Variants in USH2A observed in about 807,000 individuals in gnomAD.
The protein encoded by USH2A is Usher syndrome 2A (autosomal recessive, mild).
In USH2A, 443 loss-of-function variants were observed where a neutral mutation model predicts 538.9. The observed-to-expected ratio is 0.82, with a 90% CI of 0.76 to 0.89. The LOEUF is 0.89. Among genes scored for constraint, USH2A ranks in the 40% least tolerant of loss-of-function variants. USH2A has a pLI of 0.00. For synonymous variants in USH2A, 2,413 were observed against 2,273.5 expected, an observed-to-expected ratio of 1.06 and a Z score of -1.75; for missense variants, 6,633 against 6,324.8, an observed-to-expected ratio of 1.05 and a Z score of -1.65.
At position 215,680,052 on chromosome 1, in the gene USH2A, G is replaced by A. The variant is rs898375573; in HGVS notation, c.12294+97C>T. On this transcript the variant is annotated intron_variant, in intron 62 of 71. Coordinates refer to ENST00000307340, the MANE Select transcript of USH2A (RefSeq NM_206933.4). ...TATCAAGGAGAATTAAACAGGCTGT[G>A]AAGGGAGTTTTCCCACAGTGACCTG... 7.4e-6 allele frequency: 9 copies of A among 1,223,978 alleles called. No individual in the cohort carries two copies. The East Asian group carries it at 1.9e-4, about 25-fold the overall frequency. 75.8% of individuals were successfully genotyped at this position (1,223,978 alleles called of 1,614,324 possible). A position where few individuals can be genotyped will look rare whatever the true frequency, so the allele number is the denominator to read the frequency against.
Position 215,685,358 on chromosome 1 carries a change from T to TG in USH2A, c.12067-4983_12067-4982insC, listed in dbSNP as rs1558053518. 5.5e-3 allele frequency among the ~76,000 whole-genome samples: 831 copies of TG among 151,644 alleles called. 12 individuals are homozygous for TG. Among genetic ancestry groups the TG allele is most frequent in the African/African-American group, 0.019 (772 of 41,402 alleles). On this transcript the variant is annotated intron_variant, in intron 61 of 71. Transcript: ENST00000307340. ...TTTTTTTTTTTTGTTGTTGTTGTTT[T>TG]TTTTTTTGAGATGGAGTTTCACTCT...
intron 48 of USH2A, among the ~76,000 whole-genome samples, chr1:215,814,707 G>A (rs1305667452): frequency 1.3e-5 from 2 of 152,046 alleles, no homozygotes; most frequent in Non-Finnish European, 2.9e-5. Context: ...TCCCAGTCAT[G>A]CTTCCTGTTA....
chr1:215,886,290 A>G (rs536704653), intron 41 of USH2A, among the ~76,000 whole-genome samples: 15 of 152,340 alleles, frequency 9.8e-5, no homozygotes, highest in East Asian at 3.9e-4. Flanking sequence ...CATATTTTAC[A>G]AAGAGAAGTC....
intron 32 of USH2A, 58 bp from the exon 33 acceptor site, chr1:216,000,620 T>C: frequency 6.3e-7 from 1 of 1,579,612 alleles, no homozygotes. Context: ...TTGAGGAGAT[T>C]TCACTCCTCC....
At chr1:215,896,434 T>A (rs1665342668) in intron 40 of USH2A, among the ~76,000 whole-genome samples, 1 of 152,190 alleles carries the variant, frequency 6.6e-6, no homozygotes, top group Non-Finnish European at 1.5e-5. Flanking sequence ...CATATTTCAA[T>A]CTTATTTCCT....
chr1:216,124,483 G>A (rs527492653), intron 21 of USH2A, among the ~76,000 whole-genome samples: 4 of 152,102 alleles, frequency 2.6e-5, no homozygotes, highest in Admixed American at 6.5e-5. Context: ...ATAACAAAAA[G>A]AAAAAGGCGG....
rs144892471 is a variant in USH2A, at chr1:215,998,980, T to C, written c.6564A>G (p.Thr2188=). Reference sequence around the variant, plus strand: ...TACTGTTATAGATGACACTCCAAATTGTAAAATCATGTGTATGGTTTGACA... The same window carrying C: ...TACTGTTATAGATGACACTCCAAATCGTAAAATCATGTGTATGGTTTGACA... ...LYMSNHTHDF[T]IWSVIYNSTE... Residue 2188 remains threonine (T), a synonymous_variant, in exon 34 of 72, where the codon ACA becomes ACG. Coordinates refer to ENST00000307340, the MANE Select transcript of USH2A (RefSeq NM_206933.4). 4 of 1,612,868 alleles carry C rather than the reference T, an allele frequency of 2.5e-6. No individual in the cohort carries two copies. The highest frequency in any genetic ancestry group is 2.5e-6 in the Non-Finnish European group (3 of 1,179,228).
chr1:216,070,343 T>G, intron 29 of USH2A, 51 bp from the exon 30 acceptor site: 1 of 1,537,384 alleles, frequency 6.5e-7, no homozygotes, highest in South Asian at 1.1e-5. Flanking sequence ...CTGAGAAGAC[T>G]ATTGCTCCTA....
At chr1:216,118,345 T>G (rs2033056510) in intron 21 of USH2A, among the ~76,000 whole-genome samples, 2 of 152,064 alleles carry the variant, frequency 1.3e-5, no homozygotes, top group South Asian at 4.1e-4. Flanking sequence ...AACATAAAGC[T>G]TCTAACTAGA....
At chr1:215,990,400 T>C (rs1667974116) in intron 35 of USH2A, among the ~76,000 whole-genome samples, 1 of 152,196 alleles carries the variant, frequency 6.6e-6, no homozygotes, top group African/African-American at 2.4e-5. Flanking sequence ...ATGCCACTGA[T>C]CAAAGGTAAT....
In USH2A at chr1:215,998,980, T is replaced by G; in HGVS notation, c.6564A>C (p.Thr2188=). ...TACTGTTATAGATGACACTCCAAATTGTAAAATCATGTGTATGGTTTGACA... is the reference window on the plus strand; with the variant it reads ...TACTGTTATAGATGACACTCCAAATGGTAAAATCATGTGTATGGTTTGACA... ...LYMSNHTHDF[T]IWSVIYNSTE... The change falls in exon 34 of 72, where the codon ACA becomes ACC. Residue 2188 remains threonine (T), a synonymous_variant. Transcript: ENST00000307340. 6 of 1,612,986 alleles carry G rather than the reference T, an allele frequency of 3.7e-6. No individual in the cohort carries two copies. Among genetic ancestry groups the G allele is most frequent in the Non-Finnish European group, 5.1e-6 (6 of 1,179,220 alleles).
chr1:215,759,367 G>A (rs867769369), intron 57 of USH2A, among the ~76,000 whole-genome samples: 3 of 152,076 alleles, frequency 2.0e-5, no homozygotes, highest in South Asian at 2.1e-4. Context: ...TCAAGGATGC[G>A]TGTTTTTGAA....
intron 9 of USH2A, among the ~76,000 whole-genome samples, chr1:216,296,647 G>A (rs2037111086): frequency 6.6e-6 from 1 of 151,980 alleles, no homozygotes; most frequent in African/African-American, 2.4e-5. Context: ...GACATTTATG[G>A]AAAGTCTTCA....
chr1:216,006,933 C>T (rs1668406523), intron 32 of USH2A, among the ~76,000 whole-genome samples: 1 of 152,184 alleles, frequency 6.6e-6, no homozygotes, highest in Admixed American at 6.5e-5. Flanking sequence ...TATGTCCCCA[C>T]CTAAATCTCA....
At chr1:215,872,510 T>C (rs1306470928) in intron 43 of USH2A, among the ~76,000 whole-genome samples, 1 of 152,212 alleles carries the variant, frequency 6.6e-6, no homozygotes, top group African/African-American at 2.4e-5. Flanking sequence ...ATCTTTGTTC[T>C]ACTTTGTCAT....
At chr1:216,084,588 G>A in intron 25 of USH2A, 110 bp downstream of exon 25, 1 of 1,134,516 alleles carries the variant, frequency 8.8e-7, no homozygotes, top group South Asian at 1.4e-5. Context: ...AAGTATTTCT[G>A]TGATACTAGG....
In USH2A at chr1:215,900,169, G is replaced by A. The variant is rs576687895; in HGVS notation, c.7500C>T (p.Leu2500=). The A allele has an allele frequency of 7.4e-6, 12 of 1,613,736 alleles. No homozygotes were observed. In the South Asian group the frequency reaches 1.1e-4, roughly 15 times the overall value. ...GAAACATATACTCTGTGTACGGTTGGAGATCACTCACTTCATAGCTTAACG... is the reference window on the plus strand; with the variant it reads ...GAAACATATACTCTGTGTACGGTTGAAGATCACTCACTTCATAGCTTAACG... The part of the protein sequence containing the change: ...SASLSYEVSD[L]QPYTEYMFRL... Residue 2500 remains leucine, a synonymous_variant, in exon 40 of 72, where the codon CTC becomes CTT. Coordinates refer to ENST00000307340, the MANE Select transcript of USH2A (RefSeq NM_206933.4).
intron 37 of USH2A, among the ~76,000 whole-genome samples, chr1:215,948,617 TG>T (rs1250481118): frequency 1.3e-5 from 2 of 151,978 alleles, no homozygotes; most frequent in Non-Finnish European, 2.9e-5. Context: ...TTTACCACAA[TG>T]CCTTCAATCC....
chr1:215,867,105 A>T lies in USH2A; in HGVS notation c.8747T>A (p.Val2916Glu), dbSNP rs549902812. ...NSVGFTPSRE[V>E]TVTTLAGLPE... Reference sequence around the variant, plus strand: ...AAGACCAGCTAACGTTGTCACAGTCACTTCTCGGCTCGGTGTAAAACCCAC... The same window carrying T: ...AAGACCAGCTAACGTTGTCACAGTCTCTTCTCGGCTCGGTGTAAAACCCAC... Residue 2916 changes from valine to glutamate, a missense_variant, in exon 44 of 72, where the codon GTG (valine) becomes GAG (glutamate). By Grantham distance (121) the Val-to-Glu change is moderately radical. Transcript: ENST00000307340. 2 of 1,614,154 alleles carry T rather than the reference A, an allele frequency of 1.2e-6. No individual in the cohort carries two copies. The highest frequency in any genetic ancestry group is 1.1e-5 in the South Asian group (1 of 91,076).
Sources: gnomAD v4.1 joint callset for allele counts (sites outside exome capture counted in the v4.1 genomes callset) on GRCh38, gnomAD v4.1.1 for gene constraint, MANE v1.5 for transcripts, NCBI Gene and HGNC (gene_info 2026-07-23, HGNC 2026-07-21) for gene names.